The following CERT1 variants were observed in gnomAD, a reference collection of about 807,000 sequenced individuals.
CERT1 encodes ceramide transporter 1, also known as ceramide transfer protein.
A neutral mutation model predicts 87.9 loss-of-function variants in CERT1; 31 were observed. The observed-to-expected ratio is 0.35, with a 90% CI of 0.27 to 0.48. The LOEUF (loss-of-function observed/expected upper bound fraction) is 0.48. Ranked by LOEUF, CERT1 falls within the 20% of genes least tolerant of loss-of-function variation. CERT1 has a pLI of 0.99. For missense variants in CERT1, 487 were observed against 758.0 expected, an observed-to-expected ratio of 0.64 and a Z score of 4.20; for synonymous variants, 289 against 250.9, an observed-to-expected ratio of 1.15 and a Z score of -1.44.
In CERT1 at chr5:75,416,845, T is replaced by A. The variant is rs1267991525; in HGVS notation, c.837+31A>T. Reference sequence around the variant, plus strand: ...ACAATACGTAAAACTTAAATGTGATTATTTTTAAAAGGAAAAAAACCTAGT... The same window carrying A: ...ACAATACGTAAAACTTAAATGTGATAATTTTTAAAAGGAAAAAAACCTAGT... On this transcript the variant is annotated intron_variant, in intron 7 of 16. Transcript: ENST00000643780. 3 of 1,545,104 alleles carry A rather than the reference T, an allele frequency of 1.9e-6. No homozygotes were observed. In the African/African-American group the frequency reaches 4.2e-5, roughly 22 times the overall value.
intron 8 of CERT1, among the ~76,000 whole-genome samples, chr5:75,406,568 T>TCTCAC (rs1351010836): frequency 1.4e-5 from 2 of 143,740 alleles, no homozygotes; most frequent in East Asian, 4.1e-4. Context: ...TGAGATGGAG[T>TCTCAC]CTCAGTTGGT....
At chr5:75,446,176 G>A (rs1181209541) in intron 3 of CERT1, among the ~76,000 whole-genome samples, 2 of 152,064 alleles carry the variant, frequency 1.3e-5, no homozygotes, top group East Asian at 3.9e-4. Flanking sequence ...AGTTCTCTTA[G>A]GCTCTGTTCA....
chr5:75,369,135 TCAA>T (rs1760995866), intron 17 of CERT1: 1 of 152,054 alleles, frequency 6.6e-6, no homozygotes, highest in South Asian at 2.1e-4. Flanking sequence ...AGGCTGGTCT[TCAA>T]CTCCTGACCT....
At chr5:75,477,577 C>A (rs1426877390) in intron 2 of CERT1, among the ~76,000 whole-genome samples, 1 of 144,620 alleles carries the variant, frequency 6.9e-6, no homozygotes, top group East Asian at 2.1e-4. Flanking sequence ...CATGTCCCGA[C>A]CATAATGATA....
At chr5:75,471,862 C>CCTAAGAAGGA (rs760451368) in intron 2 of CERT1, among the ~76,000 whole-genome samples, 44 of 151,292 alleles carry the variant, frequency 2.9e-4, no homozygotes, top group Non-Finnish European at 4.9e-4. Context: ...AAGCAATCTA[C>CCTAAGAAGGA]AGATTCAATG....
Position 75,386,011 on chromosome 5 carries a change from T to G in CERT1, c.1308A>C (p.Glu436Asp). ...TTAAAGGATCCAGAACAATCCCATT[T>G]TCTTCTACTTCTCTTCTGTATACCT... is the stretch of plus-strand genomic sequence containing the variant. ...EMKVYRREVE[E>D]NGIVLDPLKA... Residue 436 changes from glutamate (E) to aspartate (D), a missense_variant, in exon 13 of 17, where the codon GAA (glutamate) becomes GAC (aspartate). Transcript: ENST00000643780. 6.3e-7 allele frequency: 1 copy of G among 1,575,980 alleles called. No homozygotes were observed. Among genetic ancestry groups the G allele is most frequent in the Non-Finnish European group, 8.6e-7 (1 of 1,162,174 alleles).
chr5:75,384,727 A>G lies in CERT1; in HGVS notation c.1418-15T>C. 1.3e-6 allele frequency: 2 copies of G among 1,493,270 alleles called. No individual in the cohort carries two copies. Among genetic ancestry groups the G allele is most frequent in the Non-Finnish European group, 1.9e-6 (2 of 1,072,440 alleles). The allele number at this position is 1,493,270 out of a possible 1,614,324, so 92.5% of individuals were successfully genotyped here. A position where few individuals can be genotyped will look rare whatever the true frequency, so the allele number is the denominator to read the frequency against. On this transcript the variant is annotated splice_polypyrimidine_tract_variant and intron_variant, in intron 13 of 16. Transcript: ENST00000643780. Reference sequence around the variant, plus strand: ...TTCTATAGTTGCTGAAATGAAGAGAATAATAAAAAGATATATTATCTTTTC... The same window carrying G: ...TTCTATAGTTGCTGAAATGAAGAGAGTAATAAAAAGATATATTATCTTTTC...
chr5:75,392,274 G>A (rs564556002), intron 11 of CERT1, among the ~76,000 whole-genome samples: 1 of 152,278 alleles, frequency 6.6e-6, no homozygotes, highest in African/African-American at 2.4e-5. Flanking sequence ...CAGCCATGCT[G>A]TATAAAAACG....
chr5:75,448,148 T>C (rs190855136), intron 3 of CERT1, among the ~76,000 whole-genome samples: 172 of 152,284 alleles, frequency 1.1e-3, no homozygotes, highest in African/African-American at 4.0e-3. Flanking sequence ...TCATAATCCA[T>C]TCAATTTCAT....
chr5:75,429,984 AC>A (rs1257670455), intron 3 of CERT1, among the ~76,000 whole-genome samples: 1 of 151,872 alleles, frequency 6.6e-6, no homozygotes, highest in Non-Finnish European at 1.5e-5. Flanking sequence ...ACTTGTCCCC[AC>A]CCCCAACATC....
chr5:75,424,648 G>C (rs1037789443), intron 5 of CERT1, among the ~76,000 whole-genome samples: 1 of 151,672 alleles, frequency 6.6e-6, no homozygotes, highest in Middle Eastern at 3.4e-3. Flanking sequence ...AGAAATGAGA[G>C]GGAGAAAGAG....
intron 2 of CERT1, among the ~76,000 whole-genome samples, chr5:75,502,106 G>A (rs752486151): frequency 1.5e-4 from 23 of 151,654 alleles, no homozygotes; most frequent in Admixed American, 1.4e-3. Context: ...CATATGAAGA[G>A]TTTCTACAAG....
intron 2 of CERT1, among the ~76,000 whole-genome samples, chr5:75,470,405 T>G (rs918188369): frequency 6.6e-6 from 1 of 152,080 alleles, no homozygotes; most frequent in Non-Finnish European, 1.5e-5. Context: ...TTTGGAAAAT[T>G]CACACATACA....
downstream of CERT1, chr5:75,372,842 G>C (rs1265338306): frequency 6.6e-6 from 1 of 152,166 alleles, no homozygotes; most frequent in Non-Finnish European, 1.5e-5. Flanking sequence ...TACAAAATGG[G>C]TCTGATTTCT....
intron 11 of CERT1, 57 bp from the exon 12 acceptor site, chr5:75,389,744 A>C: frequency 7.5e-7 from 1 of 1,335,612 alleles, no homozygotes; most frequent in Non-Finnish European, 1.1e-6. Context: ...AATCTCTAAA[A>C]CAGAATGGTC....
intron 2 of CERT1, among the ~76,000 whole-genome samples, chr5:75,486,587 T>A (rs11955819): frequency 0.07 from 10,628 of 152,052 alleles, 841 homozygotes; most frequent in African/African-American, 0.19. Context: ...ACCTTATATT[T>A]GAAACAACCT....
downstream of CERT1, chr5:75,376,167 T>A (rs530586803): frequency 6.6e-6 from 1 of 152,178 alleles, no homozygotes; most frequent in Non-Finnish European, 1.5e-5. Context: ...TAGAAGCAAA[T>A]GCTGCTAATA....
intron 3 of CERT1, among the ~76,000 whole-genome samples, chr5:75,444,966 G>A (rs536308686): frequency 8.2e-4 from 124 of 152,136 alleles, no homozygotes; most frequent in Admixed American, 1.4e-3. Flanking sequence ...TTATAACACT[G>A]TAATGTGAAC....
rs767789185 is a variant in CERT1, at chr5:75,511,120, G to A, written c.88C>T (p.Leu30Phe). ...CACCAGGGGTTGCTCACCTTACTGA[G>A]GACCCCGCAGCGCTCCACAGGCGGC... Reference protein sequence around the residue: ...SGPPVERCGVLSKWTNYIHGW... With the variant: ...SGPPVERCGVFSKWTNYIHGW... Residue 30 changes from leucine to phenylalanine, a missense_variant, in exon 1 of 17, where the codon CTC becomes TTC. By Grantham distance (22) the Leu-to-Phe change is conservative. Transcript: ENST00000643780. 1 of 1,585,536 alleles carries A rather than the reference G, an allele frequency of 6.3e-7. No homozygotes were observed. The highest frequency in any genetic ancestry group is 2.2e-5 in the East Asian group (1 of 44,552).
Sources: gnomAD v4.1 joint callset for allele counts (sites outside exome capture counted in the v4.1 genomes callset) on GRCh38, gnomAD v4.1.1 for gene constraint, MANE v1.5 for transcripts, NCBI Gene and HGNC (gene_info 2026-07-23, HGNC 2026-07-21) for gene names.